The following EPS15 variants were observed in gnomAD, a reference collection of about 807,000 sequenced individuals.
EPS15 encodes epidermal growth factor receptor substrate 15.
Under a neutral mutation model 113.8 loss-of-function variants are expected in EPS15, and 72 were observed. The ratio of observed to expected loss-of-function variants is 0.63; its 90% CI spans 0.52 to 0.77. The LOEUF is 0.77. Among genes scored for constraint, EPS15 ranks in the 30% least tolerant of loss-of-function variants. EPS15 has a pLI of 0.00. For synonymous variants in EPS15, 344 were observed against 363.4 expected (o/e 0.95, Z 0.61); for missense variants, 1,048 against 1,045.8 (o/e 1.00, Z -0.03).
chr1:51,394,503 C>T (rs1557796366), intron 20 of EPS15, 56 bp from the exon 21 acceptor site: 3 of 933,196 alleles, frequency 3.2e-6, no homozygotes, highest in East Asian at 5.0e-5. Flanking sequence ...CAGCTGAAAC[C>T]TCATCACCAC....
intron 1 of EPS15, among the ~76,000 whole-genome samples, chr1:51,499,859 T>A (rs1311834559): frequency 2.6e-5 from 4 of 152,234 alleles, no homozygotes; most frequent in African/African-American, 9.6e-5. Context: ...TGGCACTAAG[T>A]ATATTCACAT....
At chr1:51,391,129 G>C (rs1462616067) in intron 21 of EPS15, among the ~76,000 whole-genome samples, 5 of 152,116 alleles carry the variant, frequency 3.3e-5, no homozygotes, top group Admixed American at 1.3e-4. Context: ...GAATACTATG[G>C]AGCCATAAAA....
At chr1:51,483,870 G>A (rs1319317609) in intron 1 of EPS15, among the ~76,000 whole-genome samples, 1 of 151,980 alleles carries the variant, frequency 6.6e-6, no homozygotes, top group Non-Finnish European at 1.5e-5. Context: ...AGGGGATTTG[G>A]GAAGCTATTG....
intron 1 of EPS15, among the ~76,000 whole-genome samples, chr1:51,483,634 C>A (rs1362749243): frequency 6.6e-6 from 1 of 151,972 alleles, no homozygotes; most frequent in Admixed American, 6.6e-5. Flanking sequence ...GGTGAAAGCC[C>A]GTCTCTACAA....
At chr1:51,441,131 C>T (rs935614242) in intron 11 of EPS15, among the ~76,000 whole-genome samples, 16 of 152,088 alleles carry the variant, frequency 1.1e-4, no homozygotes, top group African/African-American at 3.9e-4. Context: ...ATTTTACTAA[C>T]TGCATTATCA....
At chr1:51,483,989 T>A (rs1477233530) in intron 1 of EPS15, among the ~76,000 whole-genome samples, 2 of 152,146 alleles carry the variant, frequency 1.3e-5, no homozygotes, top group African/African-American at 4.8e-5. Flanking sequence ...CATGCATCTA[T>A]AGTGTCAGCT....
intron 1 of EPS15, among the ~76,000 whole-genome samples, chr1:51,499,002 C>T (rs1054958788): frequency 1.1e-4 from 17 of 152,166 alleles, no homozygotes; most frequent in Admixed American, 1.1e-3. Context: ...TCTCTTCTGC[C>T]ATGTGAGGCA....
rs1553184124 is a variant in EPS15, at chr1:51,356,973, C to CA, written c.2545-128_2545-127insT. 1.4e-4 allele frequency: 86 copies of CA among 626,930 alleles called. 1 individual carries two copies. The highest frequency in any genetic ancestry group is 1.3e-3 in the South Asian group (52 of 40,896). The allele number at this position is 626,930 out of a possible 1,614,324, so 38.8% of individuals were successfully genotyped here. On this transcript the variant is annotated intron_variant, in intron 24 of 24. Transcript: ENST00000371733. ...GAAATAGTCTGGTTACTTGTTAATT[C>CA]TTTTTTTTTTCCCCCTGAAAACATG...
intron 21 of EPS15, among the ~76,000 whole-genome samples, chr1:51,391,939 A>C (rs910506111): frequency 2.6e-5 from 4 of 152,180 alleles, no homozygotes; most frequent in Admixed American, 6.5e-5. Flanking sequence ...ATGCCAAATA[A>C]ATAGCTGGAA....
At chr1:51,516,999 G>A (rs757547967) in intron 1 of EPS15, among the ~76,000 whole-genome samples, 1 of 152,072 alleles carries the variant, frequency 6.6e-6, no homozygotes, top group Non-Finnish European at 1.5e-5. Flanking sequence ...ATGACAAACG[G>A]GTCAGTAATG....
At chr1:51,401,091 A>C (rs1570209131) in intron 18 of EPS15, 138 bp from the exon 19 acceptor site, 1 of 565,136 alleles carries the variant, frequency 1.8e-6, no homozygotes. Context: ...AAAATAAGGA[A>C]TGTCATTGAC....
At chr1:51,382,421 T>TC (rs1646962335) in intron 21 of EPS15, 1 of 149,992 alleles carries the variant, frequency 6.7e-6, no homozygotes, top group Admixed American at 6.6e-5. Context: ...TTTTAATTTT[T>TC]TTTTTTTTTT....
chr1:51,492,634 A>C (rs1364760797), intron 1 of EPS15, among the ~76,000 whole-genome samples: 1 of 152,196 alleles, frequency 6.6e-6, no homozygotes, highest in Non-Finnish European at 1.5e-5. Flanking sequence ...GAATGAAAGC[A>C]AAGTATAGCT....
chr1:51,447,912 C>A, intron 9 of EPS15, 134 bp downstream of exon 9: 1 of 1,332,556 alleles, frequency 7.5e-7, no homozygotes, highest in Non-Finnish European at 9.8e-7. Flanking sequence ...AAAAAAAATC[C>A]TTTAACACTG....
intron 8 of EPS15, among the ~76,000 whole-genome samples, chr1:51,459,806 T>C (rs1487694762): frequency 6.6e-6 from 1 of 152,080 alleles, no homozygotes; most frequent in Non-Finnish European, 1.5e-5. Context: ...TAAAAAGCTG[T>C]ATAAAGGAGA....
At chr1:51,379,992 G>C (rs1484024336) in intron 21 of EPS15, among the ~76,000 whole-genome samples, 2 of 151,860 alleles carry the variant, frequency 1.3e-5, no homozygotes, top group Admixed American at 1.3e-4. Context: ...AAGCGACAGG[G>C]GGAGGATGCA....
At chr1:51,489,358 G>A (rs1365446413) in intron 1 of EPS15, among the ~76,000 whole-genome samples, 4 of 145,502 alleles carry the variant, frequency 2.7e-5, no homozygotes, top group East Asian at 4.0e-4. Flanking sequence ...GTCTCCCTCC[G>A]TCACCCAGGT....
intron 1 of EPS15, among the ~76,000 whole-genome samples, chr1:51,503,908 A>C (rs1219749729): frequency 1.3e-5 from 2 of 152,180 alleles, no homozygotes; most frequent in African/African-American, 4.8e-5. Flanking sequence ...TAGCAAAAAA[A>C]TGAAGTTGGA....
At chr1:51,395,208 A>G (rs1259705657) in intron 20 of EPS15, among the ~76,000 whole-genome samples, 2 of 152,202 alleles carry the variant, frequency 1.3e-5, no homozygotes, top group Non-Finnish European at 2.9e-5. Context: ...GATAGTACAG[A>G]GTTCCCATGC....
Sources: allele counts gnomAD v4.1 joint callset (sites outside exome capture counted in the v4.1 genomes callset), GRCh38; gene constraint gnomAD v4.1.1; transcripts MANE v1.5; gene names NCBI Gene and HGNC (gene_info 2026-07-23, HGNC 2026-07-21).